Variants in ZNF827 observed in about 807,000 individuals in gnomAD.
ZNF827 encodes the protein zinc finger protein 827.
ZNF827 carries 13 observed loss-of-function variants against 102.4 expected under a neutral mutation model. That is an observed-to-expected ratio of 0.13 (90% CI 0.08 to 0.20). The LOEUF (loss-of-function observed/expected upper bound fraction) is 0.20, where lower values mean the gene tolerates loss of function less well. Ranked by LOEUF, ZNF827 falls within the 10% of genes least tolerant of loss-of-function variation. The probability of loss-of-function intolerance (pLI) is 1.00; values close to 1 mark genes in which losing one functional copy is unlikely to be tolerated. For synonymous variants in ZNF827, 523 were observed against 536.2 expected (o/e 0.98, Z 0.34); for missense variants, 1,103 against 1,344.4 (o/e 0.82, Z 2.81).
intron 4 of ZNF827, among the ~76,000 whole-genome samples, chr4:145,875,921 A>G (rs1025205898): frequency 6.6e-6 from 1 of 152,226 alleles, no homozygotes; most frequent in Non-Finnish European, 1.5e-5. Flanking sequence ...TTGTAAAATT[A>G]ATTAATTTAA....
chr4:145,802,617 A>G (rs1356286091), intron 8 of ZNF827, among the ~76,000 whole-genome samples: 1 of 152,240 alleles, frequency 6.6e-6, no homozygotes, highest in African/African-American at 2.4e-5. Flanking sequence ...GTGACCCGCC[A>G]GCCGATTATA....
At chr4:145,872,945 CTTT>C (rs201105472) in intron 4 of ZNF827, among the ~76,000 whole-genome samples, 1 of 130,592 alleles carries the variant, frequency 7.7e-6, no homozygotes, top group Non-Finnish European at 1.6e-5. Flanking sequence ...TTTTTCTTTT[CTTT>C]TTTTTTTTTT....
chr4:145,919,151 G>A (rs1467167549), intron 1 of ZNF827, among the ~76,000 whole-genome samples: 2 of 152,258 alleles, frequency 1.3e-5, no homozygotes, highest in Admixed American at 1.3e-4. Flanking sequence ...CTACTTGGGA[G>A]GCTAAGGTGG....
At chr4:145,929,501 T>C (rs1360793656) in intron 1 of ZNF827, among the ~76,000 whole-genome samples, 2 of 152,192 alleles carry the variant, frequency 1.3e-5, no homozygotes, top group East Asian at 3.8e-4. Context: ...TCAAATCATA[T>C]AAACAGAGAA....
At chr4:145,913,183 T>C (rs1752414875) in intron 1 of ZNF827, among the ~76,000 whole-genome samples, 1 of 152,034 alleles carries the variant, frequency 6.6e-6, no homozygotes, top group South Asian at 2.1e-4. Flanking sequence ...CCCAGCACTT[T>C]TGAAGGTCAA....
chr4:145,823,351 A>G (rs1372579598), intron 8 of ZNF827, 71 bp downstream of exon 8: 19 of 1,316,576 alleles, frequency 1.4e-5, no homozygotes, highest in Non-Finnish European at 2.1e-5. Context: ...AGTATCTGAA[A>G]ATTCACACAT....
chr4:145,813,542 G>A (rs1164702996), intron 8 of ZNF827, among the ~76,000 whole-genome samples: 1 of 152,138 alleles, frequency 6.6e-6, no homozygotes, highest in Non-Finnish European at 1.5e-5. Flanking sequence ...GGGGACTAAT[G>A]CAGTGTGAGC....
chr4:145,802,016 C>T (rs2127108600), intron 8 of ZNF827, among the ~76,000 whole-genome samples: 1 of 152,240 alleles, frequency 6.6e-6, no homozygotes, highest in Non-Finnish European at 1.5e-5. Flanking sequence ...GAGAGAGGGT[C>T]ATTTGTCCCT....
chr4:145,849,609 T>A, intron 5 of ZNF827, 48 bp from the exon 6 acceptor site: 1 of 1,607,502 alleles, frequency 6.2e-7, no homozygotes, highest in Non-Finnish European at 8.5e-7. Context: ...CATTTCTTAA[T>A]TCCAAGCTAG....
Position 145,764,979 on chromosome 4 carries a change from T to G in ZNF827, c.3230+9A>C, listed in dbSNP as rs752739441. The G allele has an allele frequency of 2.1e-5, 34 of 1,611,790 alleles. No homozygotes were observed. The highest frequency in any genetic ancestry group is 2.5e-5 in the Non-Finnish European group (29 of 1,178,722). On this transcript the variant is annotated intron_variant, in intron 13 of 14. Transcript: ENST00000508784. ...ACGCAGTAAAAGGTTCTGTACTTGC[T>G]TTCCTTACTTGAGCCCACCGGTGGG...
chr4:145,882,635 T>A (rs1749766592), intron 4 of ZNF827, among the ~76,000 whole-genome samples: 1 of 152,164 alleles, frequency 6.6e-6, no homozygotes, highest in South Asian at 2.1e-4. Context: ...CAAGAAAGAC[T>A]CCCCTTAATA....
At chr4:145,850,963 T>G (rs900897979) in intron 5 of ZNF827, among the ~76,000 whole-genome samples, 2 of 152,192 alleles carry the variant, frequency 1.3e-5, no homozygotes, top group African/African-American at 4.8e-5. Context: ...ATTATCTAGG[T>G]GGGTCCCAAA....
At chr4:145,783,556 T>C (rs1738411312) in intron 8 of ZNF827, among the ~76,000 whole-genome samples, 1 of 152,248 alleles carries the variant, frequency 6.6e-6, no homozygotes, top group Non-Finnish European at 1.5e-5. Context: ...GCAGTTGCTA[T>C]TTTCAGTTAA....
At chr4:145,809,335 C>T (rs1485444195) in intron 8 of ZNF827, among the ~76,000 whole-genome samples, 1 of 152,252 alleles carries the variant, frequency 6.6e-6, no homozygotes, top group Non-Finnish European at 1.5e-5. Flanking sequence ...TGACTCCATT[C>T]TTGCTTCTGG....
chr4:145,867,399 C>A (rs1748305243), intron 5 of ZNF827, among the ~76,000 whole-genome samples: 1 of 152,182 alleles, frequency 6.6e-6, no homozygotes, highest in African/African-American at 2.4e-5. Flanking sequence ...TAGAAAAGTT[C>A]CACATGATAT....
Position 145,765,107 on chromosome 4 carries a change from A to G in ZNF827, c.3111T>C (p.His1037=). The G allele has an allele frequency of 6.2e-7, 1 of 1,614,132 alleles. No homozygotes were observed. Among genetic ancestry groups the G allele is most frequent in the Non-Finnish European group, 8.5e-7 (1 of 1,180,026 alleles). Residue 1037 remains histidine (H), a synonymous_variant, in exon 13 of 15, where the codon CAT becomes CAC. Transcript: ENST00000508784. This position sits in a 1 kb window ranked among gnomAD's most constrained non-coding sequence, Gnocchi z 4.7. ...VCKTKNMFER[H]LQIHLITRMF... ...TCCGGGTGATGAGGTGTATCTGCAG[A>G]TGACGCTCAAACATGTTCTTCGTCT...
intron 1 of ZNF827, among the ~76,000 whole-genome samples, chr4:145,928,660 G>A (rs1001609011): frequency 2.6e-5 from 4 of 152,316 alleles, no homozygotes; most frequent in African/African-American, 4.8e-5. Flanking sequence ...CTTGTGTCAC[G>A]GCTGCAATGT....
At chr4:145,783,687 C>T (rs1248999225) in intron 8 of ZNF827, among the ~76,000 whole-genome samples, 1 of 152,240 alleles carries the variant, frequency 6.6e-6, no homozygotes, top group Non-Finnish European at 1.5e-5. Flanking sequence ...GAAGGATATA[C>T]TGGTATTGAC....
intron 8 of ZNF827, among the ~76,000 whole-genome samples, chr4:145,780,145 C>T (rs1737760008): frequency 6.6e-6 from 1 of 152,158 alleles, no homozygotes; most frequent in African/African-American, 2.4e-5. Flanking sequence ...GAGCTGAGAT[C>T]ACGCCACTGC....
Sources: gnomAD v4.1 joint callset for allele counts (sites outside exome capture counted in the v4.1 genomes callset) on GRCh38, gnomAD v4.1.1 for gene constraint, Gnocchi (gnomAD v3.1) non-coding constraint, MANE v1.5 for transcripts, NCBI Gene and HGNC (gene_info 2026-07-23, HGNC 2026-07-21) for gene names.